The following KDM7A variants were observed in gnomAD, a reference collection of about 807,000 sequenced individuals.
The protein encoded by KDM7A is lysine demethylase 7A.
A neutral mutation model predicts 114.8 loss-of-function variants in KDM7A; 28 were observed. That is an observed-to-expected ratio of 0.24 (90% confidence interval 0.18 to 0.33). The LOEUF (loss-of-function observed/expected upper bound fraction) is 0.33, where lower values mean the gene tolerates loss of function less well. Ranked by LOEUF, KDM7A falls within the 10% of genes least tolerant of loss-of-function variation. KDM7A has a pLI of 1.00. For synonymous variants in KDM7A, 423 were observed against 397.8 expected (o/e 1.06, Z -0.75); for missense variants, 942 against 1,142.5 (o/e 0.82, Z 2.53).
At chr7:140,136,460 A>C (rs897809676) in intron 2 of KDM7A, among the ~76,000 whole-genome samples, 1 of 152,202 alleles carries the variant, frequency 6.6e-6, no homozygotes, top group Non-Finnish European at 1.5e-5. Context: ...CAGTGAAGGA[A>C]TATTTTAGTA....
At chr7:140,102,355 C>CT (rs1221866852) in intron 11 of KDM7A, among the ~76,000 whole-genome samples, 195 bp from the exon 12 acceptor site, 1 of 151,952 alleles carries the variant, frequency 6.6e-6, no homozygotes, top group African/African-American at 2.4e-5. Context: ...ACATAATATA[C>CT]TGTGAACATA....
At chr7:140,094,322 T>C (rs190175489) in intron 17 of KDM7A, among the ~76,000 whole-genome samples, 184 bp from the exon 18 acceptor site, 7 of 152,200 alleles carry the variant, frequency 4.6e-5, no homozygotes, top group Non-Finnish European at 8.8e-5. Context: ...CTGGCCAACA[T>C]GGTGAAACCC....
intron 10 of KDM7A, among the ~76,000 whole-genome samples, chr7:140,112,603 T>C (rs1818450922): frequency 6.6e-6 from 1 of 151,018 alleles, no homozygotes; most frequent in Non-Finnish European, 1.5e-5. Flanking sequence ...AGATTAAGAC[T>C]CTGTCTAAAA....
intron 1 of KDM7A, among the ~76,000 whole-genome samples, chr7:140,162,980 T>C (rs183701893): frequency 4.5e-4 from 69 of 151,670 alleles, no homozygotes; most frequent in African/African-American, 1.6e-3. Flanking sequence ...AAAAGTAAGA[T>C]TTTTGCTTTT....
intron 1 of KDM7A, among the ~76,000 whole-genome samples, chr7:140,166,903 T>C (rs1794582443): frequency 1.3e-5 from 2 of 152,264 alleles, no homozygotes; most frequent in South Asian, 4.1e-4. Flanking sequence ...AAATAATTTT[T>C]TTCAGCAAAG....
chr7:140,103,647 T>A (rs1484622387), intron 11 of KDM7A, among the ~76,000 whole-genome samples: 1 of 152,178 alleles, frequency 6.6e-6, no homozygotes, highest in African/African-American at 2.4e-5. Flanking sequence ...GAACTCATCC[T>A]TTTTTTGGCT....
chr7:140,175,749 A>T (rs1231869316), intron 1 of KDM7A, among the ~76,000 whole-genome samples: 2 of 151,876 alleles, frequency 1.3e-5, no homozygotes, highest in African/African-American at 4.8e-5. Flanking sequence ...CGGCTGAATC[A>T]GAGGGCAGCG....
chr7:140,148,228 A>G (rs1341364839), intron 1 of KDM7A, among the ~76,000 whole-genome samples: 1 of 151,986 alleles, frequency 6.6e-6, no homozygotes, highest in Non-Finnish European at 1.5e-5. Flanking sequence ...AAGAAAAAAA[A>G]AAAAAAGAGA....
chr7:140,130,616 C>A (rs1477566067), intron 3 of KDM7A, among the ~76,000 whole-genome samples: 2 of 151,762 alleles, frequency 1.3e-5, no homozygotes. Flanking sequence ...AGCAAAACTC[C>A]ACCTCAAAAA....
chr7:140,126,533 ACT>A, intron 6 of KDM7A, 102 bp downstream of exon 6: 1 of 592,316 alleles, frequency 1.7e-6, no homozygotes, highest in Non-Finnish European at 2.6e-6. Flanking sequence ...AAAAAAAAAA[ACT>A]TCCCCCTTTA....
rs181291855 is a variant in KDM7A, at chr7:140,131,002, C to T, written c.399-1349G>A. ...CCAAGTAGCTGGGACTACAGGCGCC[C>T]GCCACCACGCCTGGCTAATTTTTTT... is the stretch of plus-strand genomic sequence containing the variant. On this transcript the variant is annotated intron_variant, in intron 3 of 19. Transcript: ENST00000397560. Among the ~76,000 whole-genome samples the T allele has an allele frequency of 2.2e-3, 333 of 150,530 alleles. 2 individuals are homozygous for T. Among genetic ancestry groups the T allele is most frequent in the African/African-American group, 7.7e-3 (315 of 40,834 alleles).
chr7:140,172,822 G>C (rs1247913528), intron 1 of KDM7A, among the ~76,000 whole-genome samples: 2 of 152,064 alleles, frequency 1.3e-5, no homozygotes, highest in African/African-American at 4.8e-5. Context: ...GGAATGCATA[G>C]AAAGAATTCC....
chr7:140,117,990 T>C (rs925581020), intron 9 of KDM7A, among the ~76,000 whole-genome samples: 6 of 152,244 alleles, frequency 3.9e-5, no homozygotes, highest in African/African-American at 9.6e-5. Flanking sequence ...ATATGAGTTT[T>C]ATCATTTTAG....
chr7:140,165,085 A>G (rs965016815), intron 1 of KDM7A, among the ~76,000 whole-genome samples: 6 of 152,226 alleles, frequency 3.9e-5, no homozygotes, highest in African/African-American at 1.4e-4. Flanking sequence ...TTAAAAGACA[A>G]ATTAAAATAA....
chr7:140,094,359 GTTGGGTATGGTGGCGGACGCCTGTAATC>G (rs1028726846), intron 17 of KDM7A, among the ~76,000 whole-genome samples: 1 of 152,186 alleles, frequency 6.6e-6, no homozygotes, highest in Non-Finnish European at 1.5e-5. Context: ...ACAAAAATTA[GTTGGGTATGGTGGCGGACGCCTGTAATC>G]TCAGCTACTT....
chr7:140,102,068 G>A lies in KDM7A; in HGVS notation c.1521C>T (p.Ser507=). Residue 507 remains serine, a synonymous_variant, in exon 12 of 20, where the codon TCC becomes TCT. Coordinates refer to ENST00000397560, the MANE Select transcript of KDM7A (RefSeq NM_030647.2). ...CTCGAAGTTTCCTCATCTTTCTTCG[G>A]GAATGGTATGGGGAAGTTGCTTCAT... is the stretch of plus-strand genomic sequence containing the variant. ...SSNEATSPYH[S]RRKMRKLRDH... 2 of 1,613,724 alleles carry A rather than the reference G, an allele frequency of 1.2e-6. No individual in the cohort carries two copies. The highest frequency in any genetic ancestry group is 1.1e-5 in the South Asian group (1 of 91,076).
intron 1 of KDM7A, among the ~76,000 whole-genome samples, chr7:140,147,262 T>A (rs186364763): frequency 6.6e-6 from 1 of 152,344 alleles, no homozygotes; most frequent in Non-Finnish European, 1.5e-5. Flanking sequence ...CAATACCAAG[T>A]ACAAGATGAT....
chr7:140,146,437 AT>A (rs1562957477), intron 1 of KDM7A, among the ~76,000 whole-genome samples: 1 of 152,210 alleles, frequency 6.6e-6, no homozygotes, highest in African/African-American at 2.4e-5. Context: ...CATGATAGCT[AT>A]AACAGATATG....
At chr7:140,157,945 G>A (rs1562959767) in intron 1 of KDM7A, among the ~76,000 whole-genome samples, 2 of 150,640 alleles carry the variant, frequency 1.3e-5, no homozygotes, top group African/African-American at 2.4e-5. Flanking sequence ...CTCCAGCCTG[G>A]GCCACAGAGC....
Sources: gnomAD v4.1 joint callset for allele counts (sites outside exome capture counted in the v4.1 genomes callset) on GRCh38, gnomAD v4.1.1 for gene constraint, MANE v1.5 for transcripts, NCBI Gene and HGNC (gene_info 2026-07-23, HGNC 2026-07-21) for gene names.